Variants in MEX3C observed in about 807,000 individuals in gnomAD.
MEX3C encodes the protein RNA-binding E3 ubiquitin-protein ligase MEX3C.
A neutral mutation model predicts 35.5 loss-of-function variants in MEX3C; 15 were observed. The ratio of observed to expected loss-of-function variants is 0.42; its 90% confidence interval spans 0.28 to 0.65. The LOEUF (loss-of-function observed/expected upper bound fraction) is 0.65, where lower values mean the gene tolerates loss of function less well. MEX3C is among the 30% of genes least tolerant of loss of function. The pLI, the probability that MEX3C is intolerant of heterozygous loss-of-function variation, is 0.20. For missense variants in MEX3C, 711 were observed against 842.8 expected, an observed-to-expected ratio of 0.84 and a Z score of 1.94; for synonymous variants, 390 against 352.8, an observed-to-expected ratio of 1.11 and a Z score of -1.18.
In MEX3C at chr18:51,197,477, G is replaced by T. The variant is rs1912846375; in HGVS notation, c.-157C>A. ...GGGACCCGGGCCGAGGAGCGCCAGG[G>T]CCGCCCGGAGACCGGAGAGGGCGGG... On this transcript the variant is annotated 5_prime_UTR_variant, in exon 1 of 2. Transcript: ENST00000406189. Among the ~76,000 whole-genome samples, 1 of 146,856 alleles carries T rather than the reference G, an allele frequency of 6.8e-6. No homozygotes were observed. The highest frequency in any genetic ancestry group is 2.5e-5 in the African/African-American group (1 of 40,364).
At chr18:51,193,049 A>G (rs1294651755) in intron 1 of MEX3C, 1 of 152,192 alleles carries the variant, frequency 6.6e-6, no homozygotes, top group Non-Finnish European at 1.5e-5. Flanking sequence ...TAGAGCTTGA[A>G]GGGTGGTTCC....
rs1166360579 is a variant in MEX3C, at chr18:51,177,915, T to C, written c.755-339A>G. On this transcript the variant is annotated intron_variant, in intron 1 of 1. Transcript: ENST00000406189. The surrounding 1 kb of genome is among the most constrained non-coding windows in gnomAD (Gnocchi z 4.2). ...CACCGTGCTCATGGCTAGTAGGTCA[T>C]CTCACTTCTGCTCCCACCAGTTAAA... is the stretch of plus-strand genomic sequence containing the variant. Among the ~76,000 whole-genome samples the C allele has an allele frequency of 6.6e-6, 1 of 152,222 alleles. No homozygotes were observed.
At chr18:51,178,846 G>A (rs1490565263) in intron 1 of MEX3C, among the ~76,000 whole-genome samples, 1 of 148,468 alleles carries the variant, frequency 6.7e-6, no homozygotes, top group Non-Finnish European at 1.5e-5. Flanking sequence ...GGCAACAAGA[G>A]TGAAACTCCA....
chr18:51,185,304 T>A (rs939952793), intron 1 of MEX3C, among the ~76,000 whole-genome samples: 2 of 152,206 alleles, frequency 1.3e-5, no homozygotes, highest in South Asian at 4.1e-4. Context: ...CCCTGGCTTG[T>A]GACTCATCTT....
intron 1 of MEX3C, among the ~76,000 whole-genome samples, chr18:51,180,564 G>A (rs566253474): frequency 1.8e-4 from 27 of 152,196 alleles, no homozygotes; most frequent in Admixed American, 5.9e-4. Context: ...TGCAACTTCC[G>A]TCTCCTGGGT....
At chr18:51,192,563 A>C (rs1219337281) in intron 1 of MEX3C, among the ~76,000 whole-genome samples, 2 of 152,164 alleles carry the variant, frequency 1.3e-5, no homozygotes, top group Admixed American at 1.3e-4. Context: ...TTATCAAGTA[A>C]ACTAATTTGG....
chr18:51,178,003 G>A (rs1303837848), intron 1 of MEX3C, among the ~76,000 whole-genome samples: 1 of 152,008 alleles, frequency 6.6e-6, no homozygotes, highest in Non-Finnish European at 1.5e-5. Flanking sequence ...GTGTACTCAC[G>A]CTAGTAACTA....
chr18:51,185,860 G>T (rs866796627), intron 1 of MEX3C, among the ~76,000 whole-genome samples: 1 of 150,948 alleles, frequency 6.6e-6, no homozygotes, highest in African/African-American at 2.4e-5. Context: ...AGAAGTTCGA[G>T]ACCAGCCTGG....
At chr18:51,182,137 T>G (rs1325775246) in intron 1 of MEX3C, among the ~76,000 whole-genome samples, 1 of 152,212 alleles carries the variant, frequency 6.6e-6, no homozygotes, top group Non-Finnish European at 1.5e-5. Flanking sequence ...AGTCTTCTAT[T>G]TTATTATTGT....
Position 51,176,544 on chromosome 18 carries a change from G to C in MEX3C, c.1787C>G (p.Ser596Cys). Residue 596 changes from serine (S) to cysteine (C), a missense_variant, in exon 2 of 2, where the codon TCT becomes TGT. Ser to Cys is a moderately radical substitution (Grantham distance 112). Coordinates refer to ENST00000406189, the MANE Select transcript of MEX3C (RefSeq NM_016626.5). Reference protein sequence around the residue: ...SYSSSNGGSTSSSPPESRRKH... With the variant: ...SYSSSNGGSTCSSPPESRRKH... ...TCGTCTTGATTCTGGAGGTGAGCTA[G>C]AGGTGGAACCACCATTGGAAGAGGA... 2 of 1,614,022 alleles carry C rather than the reference G, an allele frequency of 1.2e-6. No homozygotes were observed. Among genetic ancestry groups the C allele is most frequent in the Non-Finnish European group, 1.7e-6 (2 of 1,179,896 alleles).
At position 51,196,675 on chromosome 18, in the gene MEX3C, C is replaced by A. The variant is rs1195849717; in HGVS notation, c.646G>T (p.Ala216Ser). Reference protein sequence around the residue: ...GPGGCGAAAAALNGEQAALLR... With the variant: ...GPGGCGAAAASLNGEQAALLR... ...AGGGCCGCCTGCTCCCCGTTCAGGG[C>A]GGCCGCCGCCGCCCCACAACCGCCG... Residue 216 changes from alanine to serine, a missense_variant, in exon 1 of 2, where the codon GCC becomes TCC. This residue lies in a region of MEX3C where 354 missense variants were observed against 311.6 expected (regional missense o/e 1.14). Coordinates refer to ENST00000406189, the MANE Select transcript of MEX3C (RefSeq NM_016626.5). The A allele has an allele frequency of 5.2e-6, 8 of 1,547,048 alleles. No homozygotes were observed. The highest frequency in any genetic ancestry group is 1.4e-5 in the African/African-American group (1 of 73,022).
intron 1 of MEX3C, chr18:51,195,226 A>T (rs1263845182): frequency 6.6e-6 from 1 of 152,232 alleles, no homozygotes; most frequent in Non-Finnish European, 1.5e-5. Context: ...TATTACTCTA[A>T]GTATCGCCAA....
rs1276317899 is a variant in MEX3C, at chr18:51,184,518, A to G, written c.755-6942T>C. ...TGTTAGATATATTACATTCTTATTC[A>G]ATACCCTACAAGACATTCTGGAAGT... is the stretch of plus-strand genomic sequence containing the variant. On this transcript the variant is annotated intron_variant, in intron 1 of 1. Transcript: ENST00000406189. 2.0e-5 allele frequency among the ~76,000 whole-genome samples: 3 copies of G among 152,238 alleles called. No homozygotes were observed. The East Asian group carries it at 5.8e-4, about 29-fold the overall frequency.
At chr18:51,178,441 A>T (rs550918687) in intron 1 of MEX3C, among the ~76,000 whole-genome samples, 1 of 152,256 alleles carries the variant, frequency 6.6e-6, no homozygotes, top group Admixed American at 6.5e-5. Flanking sequence ...GAGGGCTTCA[A>T]ACTGTAACTT....
At chr18:51,195,805 T>G (rs1912770959) in intron 1 of MEX3C, 1 of 152,258 alleles carries the variant, frequency 6.6e-6, no homozygotes, top group Non-Finnish European at 1.5e-5. Context: ...TCTGCAGTAC[T>G]GGTGTGCTGG....
Position 51,177,043 on chromosome 18 carries a change from G to C in MEX3C, c.1288C>G (p.Pro430Ala), listed in dbSNP as rs773057723. 6.2e-7 allele frequency: 1 copy of C among 1,614,030 alleles called. No homozygotes were observed. Among genetic ancestry groups the C allele is most frequent in the Admixed American group, 1.7e-5 (1 of 60,022 alleles). ...TLGSAWLSSN[P>A]VPPSRARMIS... The stretch of plus-strand genomic sequence containing the variant: ...ATTCTTGCGCGGCTAGGAGGAACAG[G>C]ATTGGAGGAGAGCCACGCAGAGCCA... Residue 430 changes from proline to alanine, a missense_variant, in exon 2 of 2, where the codon CCT becomes GCT. By Grantham distance (27) the Pro-to-Ala change is conservative (BLOSUM62 -1). Transcript: ENST00000406189. This position sits in a 1 kb window ranked among gnomAD's most constrained non-coding sequence, Gnocchi z 4.2.
At chr18:51,187,733 CAAAA>C (rs1013695697) in intron 1 of MEX3C, among the ~76,000 whole-genome samples, 4 of 151,952 alleles carry the variant, frequency 2.6e-5, no homozygotes, top group Non-Finnish European at 4.4e-5. Flanking sequence ...CAAAAACAAA[CAAAA>C]ACCCTAAATC....
chr18:51,184,570 C>T (rs553489714), intron 1 of MEX3C, among the ~76,000 whole-genome samples: 23 of 152,220 alleles, frequency 1.5e-4, no homozygotes, highest in Non-Finnish European at 2.4e-4. Context: ...TAAGAAGTAG[C>T]TTTTGGCTGT....
At position 51,176,478 on chromosome 18, in the gene MEX3C, G is replaced by C; in HGVS notation, c.1853C>G (p.Ala618Gly). 2 of 1,613,988 alleles carry C rather than the reference G, an allele frequency of 1.2e-6. No homozygotes were observed. Among genetic ancestry groups the C allele is most frequent in the Non-Finnish European group, 1.7e-6 (2 of 1,179,898 alleles). ...GTTGTGGCCACATGGAACTAGGGCA[G>C]CAATAACCTCATTCTCAAAGCAAAT... ...CVICFENEVI[A>G]ALVPCGHNLF... The change falls in exon 2 of 2, where the codon GCT becomes GGT. Residue 618 changes from alanine (A) to glycine (G), a missense_variant. Around this residue, in one of 4 missense-constraint regions of MEX3C, gnomAD observed 87 missense variants for 150.4 expected, o/e 0.58. Coordinates refer to ENST00000406189, the MANE Select transcript of MEX3C (RefSeq NM_016626.5).
Sources: gnomAD v4.1 joint callset for allele counts (sites outside exome capture counted in the v4.1 genomes callset) on GRCh38, gnomAD v4.1.1 for gene constraint, gnomAD v4.1.1 regional missense constraint, Gnocchi (gnomAD v3.1) non-coding constraint, MANE v1.5 for transcripts, NCBI Gene and HGNC (gene_info 2026-07-23, HGNC 2026-07-21) for gene names.